NTM: variants seen among roughly 807,000 people sequenced by gnomAD.
The protein encoded by NTM is neurotrimin.
NTM carries 13 observed loss-of-function variants against 42.1 expected under a neutral mutation model. That is an observed-to-expected ratio of 0.31 (90% CI 0.20 to 0.49). NTM has a LOEUF of 0.49. Among genes scored for constraint, NTM ranks in the 20% least tolerant of loss-of-function variants. The pLI is 0.99. For missense variants in NTM, 373 were observed against 452.8 expected (o/e 0.82, Z 1.60); for synonymous variants, 187 against 179.2 (o/e 1.04, Z -0.35).
At chr11:132,223,501 G>C (rs2085572233) in intron 4 of NTM, among the ~76,000 whole-genome samples, 1 of 152,138 alleles carries the variant, frequency 6.6e-6, no homozygotes. Context: ...TCAGGACCCA[G>C]CCGGCACGCT....
At chr11:132,167,859 C>G (rs1016331911) in intron 3 of NTM, among the ~76,000 whole-genome samples, 14 of 152,118 alleles carry the variant, frequency 9.2e-5, no homozygotes, top group Non-Finnish European at 2.1e-4. Flanking sequence ...AACTATGACC[C>G]AGATATCCAG....
intron 1 of NTM, among the ~76,000 whole-genome samples, chr11:131,547,461 G>A (rs566052941): frequency 1.2e-4 from 19 of 152,292 alleles, no homozygotes; most frequent in East Asian, 3.9e-4. Flanking sequence ...CAGAGCCTTC[G>A]GTGGCAGATG....
At chr11:131,535,399 T>C (rs151140738) in intron 1 of NTM, 122 of 152,320 alleles carry the variant, frequency 8.0e-4, no homozygotes, top group African/African-American at 2.9e-3. Context: ...GAGAGGACAT[T>C]AGGGGCTATG....
At chr11:132,031,713 A>G (rs112298519) in intron 2 of NTM, among the ~76,000 whole-genome samples, 4,987 of 152,270 alleles carry the variant, frequency 0.033, 284 homozygotes, top group African/African-American at 0.11. Flanking sequence ...AGTTGTATAC[A>G]TGAATCTAGT....
At chr11:132,170,400 A>G (rs1210045439) in intron 3 of NTM, among the ~76,000 whole-genome samples, 3 of 152,184 alleles carry the variant, frequency 2.0e-5, no homozygotes, top group Non-Finnish European at 4.4e-5. Context: ...CTAACTACCT[A>G]TTCATCTAGG....
intron 3 of NTM, among the ~76,000 whole-genome samples, chr11:132,175,521 CTG>C (rs1470808571): frequency 6.6e-6 from 1 of 152,142 alleles, no homozygotes; most frequent in Non-Finnish European, 1.5e-5. Flanking sequence ...GAGGCTATAA[CTG>C]AGAACTTTTA....
chr11:131,729,284 G>A (rs117741522), intron 1 of NTM, among the ~76,000 whole-genome samples: 2,045 of 152,232 alleles, frequency 0.013, 24 homozygotes, highest in Non-Finnish European at 0.022. Flanking sequence ...GACACAACGG[G>A]TATTTGAGAA....
chr11:131,394,699 G>A (rs932354306), intron 1 of NTM, among the ~76,000 whole-genome samples: 1 of 152,164 alleles, frequency 6.6e-6, no homozygotes, highest in Non-Finnish European at 1.5e-5. Flanking sequence ...CTAAAGGGGT[G>A]TCCTCATTAT....
chr11:132,047,727 T>A (rs1364395494), intron 2 of NTM, among the ~76,000 whole-genome samples: 1 of 152,222 alleles, frequency 6.6e-6, no homozygotes, highest in East Asian at 1.9e-4. Context: ...TCCTTCCTCT[T>A]AGGCCCCACT....
rs191895025 is a variant in NTM at position 131,565,523 on chromosome 11, A to G, written c.82+194635A>G. 5.7e-4 allele frequency among the ~76,000 whole-genome samples: 87 copies of G among 152,240 alleles called. 1 individual carries two copies. In the East Asian group the frequency reaches 0.014, roughly 25 times the overall value. On this transcript the variant is annotated intron_variant, in intron 1 of 8. Coordinates refer to ENST00000683400, the MANE Select transcript of NTM (RefSeq NM_001352005.2). ...TGGCATTCTCCATGCTGGGCTGAAC[A>G]TCTTTGTTGTCATGGCTCCTTCCCC...
Position 131,659,258 on chromosome 11 carries a change from AC to A in NTM, c.83-252303del, listed in dbSNP as rs1360614674. ...AAGAACAGAGGTACTGACACCACAG[AC>A]CCTTAAAGTGTTGTGCTCTTTACAG... On this transcript the variant is annotated intron_variant, in intron 1 of 8. Coordinates refer to ENST00000683400, the MANE Select transcript of NTM (RefSeq NM_001352005.2). Among the ~76,000 whole-genome samples, 31 of 152,322 alleles carry A rather than the reference AC, an allele frequency of 2.0e-4. 1 individual carries two copies. Among genetic ancestry groups the A allele is most frequent in the Non-Finnish European group, 1.5e-5 (1 of 68,030 alleles).
chr11:132,295,211 G>T (rs952011005), intron 4 of NTM, among the ~76,000 whole-genome samples: 3 of 151,670 alleles, frequency 2.0e-5, no homozygotes, highest in African/African-American at 7.3e-5. Context: ...TTTTCTTAAA[G>T]GTCATCAAAG....
chr11:131,803,422 C>T (rs981399596), intron 1 of NTM, among the ~76,000 whole-genome samples: 4 of 151,962 alleles, frequency 2.6e-5, no homozygotes, highest in African/African-American at 9.7e-5. Context: ...AATTCTCCTG[C>T]CTCAGCCTCC....
chr11:132,116,756 G>C (rs1039695504), intron 2 of NTM, among the ~76,000 whole-genome samples: 2 of 152,210 alleles, frequency 1.3e-5, no homozygotes, highest in African/African-American at 4.8e-5. Context: ...GAGCTCTGCT[G>C]AGGATGACAG....
intron 4 of NTM, among the ~76,000 whole-genome samples, chr11:132,294,596 C>T (rs987346814): frequency 1.3e-5 from 2 of 152,124 alleles, no homozygotes; most frequent in African/African-American, 4.8e-5. Flanking sequence ...ATTAATGCAA[C>T]TTACATCGAG....
intron 1 of NTM, among the ~76,000 whole-genome samples, chr11:131,492,759 A>T (rs1228366463): frequency 6.6e-6 from 1 of 152,240 alleles, no homozygotes; most frequent in Non-Finnish European, 1.5e-5. Context: ...GGGGGCTTTG[A>T]GTACCATGAT....
intron 2 of NTM, among the ~76,000 whole-genome samples, chr11:132,046,201 A>G (rs971495675): frequency 1.3e-5 from 2 of 152,202 alleles, no homozygotes; most frequent in Admixed American, 1.3e-4. Context: ...AGTGCTCAGC[A>G]CAGACTGGAC....
intron 2 of NTM, among the ~76,000 whole-genome samples, chr11:131,964,547 A>T (rs766424167): frequency 2.0e-5 from 3 of 152,184 alleles, no homozygotes; most frequent in Non-Finnish European, 4.4e-5. Context: ...TTAAGGCAAG[A>T]TACACATGGG....
chr11:131,925,688 C>T (rs1390284114), intron 2 of NTM, among the ~76,000 whole-genome samples: 2 of 152,084 alleles, frequency 1.3e-5, no homozygotes, highest in African/African-American at 2.4e-5. Context: ...CACACCCAGC[C>T]AGAGTTCCAA....
Sources: allele counts gnomAD v4.1 joint callset (sites outside exome capture counted in the v4.1 genomes callset), GRCh38; gene constraint gnomAD v4.1.1; transcripts MANE v1.5; gene names NCBI Gene and HGNC (gene_info 2026-07-23, HGNC 2026-07-21).